TVP23C: variants seen among roughly 807,000 people sequenced by gnomAD.
The protein encoded by TVP23C is Golgi apparatus membrane protein TVP23 homolog C.
In TVP23C, 19 loss-of-function variants were observed where a neutral mutation model predicts 28.7. The ratio of observed to expected loss-of-function variants is 0.66; its 90% CI spans 0.46 to 0.97. The LOEUF (loss-of-function observed/expected upper bound fraction) is 0.97. Ranked by LOEUF, TVP23C falls within the 50% of genes least tolerant of loss-of-function variation. The pLI is 0.00. For synonymous variants in TVP23C, 68 were observed against 81.7 expected, an observed-to-expected ratio of 0.83 and a Z score of 0.90; for missense variants, 186 against 241.3, an observed-to-expected ratio of 0.77 and a Z score of 1.52.
intron 5 of TVP23C, among the ~76,000 whole-genome samples, chr17:15,508,618 T>C (rs1257031078): frequency 1.3e-5 from 2 of 152,206 alleles, no homozygotes; most frequent in African/African-American, 4.8e-5. Flanking sequence ...CTTCTCACCA[T>C]ACCCAAAGCT....
chr17:15,559,612 A>T (rs961392641), intron 1 of TVP23C, among the ~76,000 whole-genome samples: 1 of 148,858 alleles, frequency 6.7e-6, no homozygotes, highest in Non-Finnish European at 1.5e-5. Context: ...GGACAAAAGC[A>T]CAACGCTAGG....
intron 5 of TVP23C, among the ~76,000 whole-genome samples, chr17:15,512,098 T>A (rs1232049979): frequency 1.3e-5 from 2 of 152,136 alleles, no homozygotes; most frequent in African/African-American, 2.4e-5. Flanking sequence ...CAGGGAATGG[T>A]GAAGGCTGCT....
rs571531874 is a variant in TVP23C, at chr17:15,560,293, T to C, written c.12+3144A>G. Reference sequence around the variant, plus strand: ...GTTGGCCAGGATGGTCTCCATCTCTTGACCTCATGATCCACCCACCCTGGC... The same window carrying C: ...GTTGGCCAGGATGGTCTCCATCTCTCGACCTCATGATCCACCCACCCTGGC... On this transcript the variant is annotated intron_variant, in intron 1 of 5. Transcript: ENST00000518321. Among the ~76,000 whole-genome samples the C allele has an allele frequency of 3.4e-5, 5 of 149,158 alleles. No homozygotes were observed. In the East Asian group the frequency reaches 9.9e-4, roughly 29 times the overall value.
chr17:15,526,472 T>C (rs1467441588), intron 5 of TVP23C, among the ~76,000 whole-genome samples: 1 of 152,218 alleles, frequency 6.6e-6, no homozygotes, highest in Non-Finnish European at 1.5e-5. Flanking sequence ...TCTTCTTATG[T>C]CTGACTGTGT....
rs113231588 is a variant in TVP23C, at chr17:15,561,634, A to G, written c.12+1803T>C. Among the ~76,000 whole-genome samples, 616 of 82,244 alleles carry G rather than the reference A, an allele frequency of 7.5e-3. 1 individual carries two copies. Among genetic ancestry groups the G allele is most frequent in the East Asian group, 0.011 (23 of 2,124 alleles). 54.0% of individuals were successfully genotyped at this position (82,244 alleles called of 152,430 possible). A position where few individuals can be genotyped will look rare whatever the true frequency, so the allele number is the denominator to read the frequency against. ...TGAATGAATGAATGAATGAATGAAT[A>G]AATAAATAAATAAATAAATAAATAA... On this transcript the variant is annotated intron_variant, in intron 1 of 5. Transcript: ENST00000518321.
chr17:15,548,212 G>A (rs2150854821), intron 3 of TVP23C, among the ~76,000 whole-genome samples: 1 of 152,208 alleles, frequency 6.6e-6, no homozygotes, highest in African/African-American at 2.4e-5. Flanking sequence ...TGTTGCCCAG[G>A]CTGGCATGCA....
chr17:15,531,663 C>G (rs1476315180), intron 5 of TVP23C, among the ~76,000 whole-genome samples: 4 of 152,188 alleles, frequency 2.6e-5, no homozygotes, highest in Middle Eastern at 3.4e-3. Flanking sequence ...TTCCTTTCTC[C>G]TGTTCTTTGT....
At chr17:15,533,964 C>T (rs981999371), downstream of TVP23C, among the ~76,000 whole-genome samples, 7 of 152,174 alleles carry the variant, frequency 4.6e-5, no homozygotes, top group Admixed American at 6.5e-5. Context: ...TGCTAAGTTC[C>T]AACATGCCTA....
At chr17:15,528,512 C>T (rs1397843310) in intron 5 of TVP23C, among the ~76,000 whole-genome samples, 1 of 152,166 alleles carries the variant, frequency 6.6e-6, no homozygotes, top group African/African-American at 2.4e-5. Context: ...TGTTTTATGG[C>T]CTAACATATA....
downstream of TVP23C, chr17:15,536,928 C>G: frequency 3.8e-6 from 1 of 261,250 alleles, no homozygotes; most frequent in Non-Finnish European, 5.9e-6. Flanking sequence ...GTTATATCAT[C>G]TAAAGTATTA....
downstream of TVP23C, among the ~76,000 whole-genome samples, chr17:15,532,919 T>A (rs1358391741): frequency 1.3e-5 from 2 of 152,212 alleles, no homozygotes; most frequent in South Asian, 4.1e-4. Flanking sequence ...TCATAGAATG[T>A]CCATGCTGGT....
chr17:15,523,594 C>T lies in TVP23C; in HGVS notation c.463-20362G>A, dbSNP rs1313482239. On this transcript the variant is annotated intron_variant, in intron 5 of 5. Coordinates refer to the TVP23C transcript ENST00000225576. ...AAAGTGCTGAGATTACAGGCATGAGCACTGCACCTGGCTGGAAGATTTTTT... is the reference window on the plus strand; with the variant it reads ...AAAGTGCTGAGATTACAGGCATGAGTACTGCACCTGGCTGGAAGATTTTTT... Among the ~76,000 whole-genome samples, 5 of 151,732 alleles carry T rather than the reference C, an allele frequency of 3.3e-5. No individual in the cohort carries two copies. In the South Asian group the frequency reaches 1.0e-3, roughly 32 times the overall value.
intron 5 of TVP23C, chr17:15,506,851 A>C: frequency 1.5e-6 from 1 of 660,740 alleles, no homozygotes; most frequent in Non-Finnish European, 2.7e-6. Context: ...AACCCACTAG[A>C]ACACACTATC....
chr17:15,505,756 G>C, intron 5 of TVP23C, among the ~76,000 whole-genome samples: 1 of 152,174 alleles, frequency 6.6e-6, no homozygotes, highest in Middle Eastern at 3.4e-3. Context: ...CTGGAGTTCC[G>C]GGTGGGCGTG....
intron 5 of TVP23C, among the ~76,000 whole-genome samples, chr17:15,518,784 G>A (rs1256339550): frequency 6.6e-6 from 1 of 152,160 alleles, no homozygotes; most frequent in Non-Finnish European, 1.5e-5. Context: ...GAGAACACTA[G>A]ATGAAGGTTT....
intron 5 of TVP23C, among the ~76,000 whole-genome samples, chr17:15,526,958 G>A (rs1224010159): frequency 6.6e-6 from 1 of 152,134 alleles, no homozygotes; most frequent in Admixed American, 6.5e-5. Context: ...GGAGGTCATT[G>A]GTTTGAAGTA....
Position 15,539,555 on chromosome 17 carries a change from A to G in TVP23C, c.*857T>C. ...GAGGCGGAGCTTGCAGTAAGCCGAG[A>G]TCACGCCACTGCACTCCAGCCTGGG... is the stretch of plus-strand genomic sequence containing the variant. On this transcript the variant is annotated 3_prime_UTR_variant, in exon 6 of 6. Transcript: ENST00000518321. 1 of 806,928 alleles carries G rather than the reference A, an allele frequency of 1.2e-6. No homozygotes were observed. The highest frequency in any genetic ancestry group is 1.5e-6 in the Non-Finnish European group (1 of 667,868). The allele number at this position is 806,928 out of a possible 1,614,324, so 50.0% of individuals were successfully genotyped here.
chr17:15,518,718 T>C (rs1309919811), intron 5 of TVP23C, among the ~76,000 whole-genome samples: 1 of 145,816 alleles, frequency 6.9e-6, no homozygotes, highest in African/African-American at 2.8e-5. Flanking sequence ...CTGGGCTCAG[T>C]AGAGAAGAGT....
intron 5 of TVP23C, among the ~76,000 whole-genome samples, chr17:15,515,043 T>C (rs1345852936): frequency 6.6e-6 from 1 of 152,104 alleles, no homozygotes; most frequent in Non-Finnish European, 1.5e-5. Context: ...AGGATTGTCT[T>C]TGGGGTACCG....
Sources: allele counts gnomAD v4.1 joint callset (sites outside exome capture counted in the v4.1 genomes callset), GRCh38; gene constraint gnomAD v4.1.1; transcripts MANE v1.5; gene names NCBI Gene and HGNC (gene_info 2026-07-23, HGNC 2026-07-21).